The following DMRT1 variants were observed in gnomAD, a reference collection of about 807,000 sequenced individuals.
The protein encoded by DMRT1 is doublesex and mab-3 related transcription factor 1.
A neutral mutation model predicts 32.3 loss-of-function variants in DMRT1; 7 were observed. The ratio of observed to expected loss-of-function variants is 0.22; its 90% CI spans 0.12 to 0.41. The LOEUF is 0.41. Ranked by LOEUF, DMRT1 falls within the 10% of genes least tolerant of loss-of-function variation. The pLI, the probability that DMRT1 is intolerant of heterozygous loss-of-function variation, is 1.00. For missense variants in DMRT1, 625 were observed against 500.5 expected (o/e 1.25, Z -2.37); for synonymous variants, 278 against 206.1 (o/e 1.35, Z -2.99).
intron 4 of DMRT1, among the ~76,000 whole-genome samples, chr9:938,660 A>G (rs910012315): frequency 4.6e-5 from 7 of 152,038 alleles, no homozygotes; most frequent in Admixed American, 3.9e-4. Flanking sequence ...ATTCTCTAGT[A>G]TTTTCTATAA....
At chr9:871,419 G>A (rs1245562118) in intron 2 of DMRT1, among the ~76,000 whole-genome samples, 4 of 149,170 alleles carry the variant, frequency 2.7e-5, no homozygotes, top group South Asian at 2.1e-4. Flanking sequence ...TGCAAGCTCC[G>A]CGTCCCGGGT....
At chr9:870,260 G>T (rs368851494) in intron 2 of DMRT1, among the ~76,000 whole-genome samples, 2 of 152,130 alleles carry the variant, frequency 1.3e-5, no homozygotes, top group Non-Finnish European at 2.9e-5. Flanking sequence ...TTAGCTGGGC[G>T]TGGTGACGTG....
In DMRT1 at chr9:968,990, T is replaced by TAAC. The variant is rs1347161370; in HGVS notation, c.*852_*853insACA. The TAAC allele has an allele frequency of 1.3e-5, 2 of 152,670 alleles. No homozygotes were observed. Among genetic ancestry groups the TAAC allele is most frequent in the African/African-American group, 4.8e-5 (2 of 41,468 alleles). 9.5% of individuals were successfully genotyped at this position (152,670 alleles called of 1,614,324 possible). A position where few individuals can be genotyped will look rare whatever the true frequency, so the allele number is the denominator to read the frequency against. The stretch of plus-strand genomic sequence containing the variant: ...TAAAAATTGCTATGGAGTACTTTGT[T>TAAC]ATATAACAGAAGCCATCCTGAAATG... On this transcript the variant is annotated 3_prime_UTR_variant, in exon 5 of 5. Coordinates refer to ENST00000382276, the MANE Select transcript of DMRT1 (RefSeq NM_021951.3).
At chr9:950,214 A>G (rs960271571) in intron 4 of DMRT1, among the ~76,000 whole-genome samples, 42 of 152,078 alleles carry the variant, frequency 2.8e-4, no homozygotes, top group Non-Finnish European at 3.8e-4. Flanking sequence ...AACTCAGTTG[A>G]TGCCTTAGAC....
At chr9:862,324 A>G (rs1217026443) in intron 2 of DMRT1, among the ~76,000 whole-genome samples, 1 of 152,006 alleles carries the variant, frequency 6.6e-6, no homozygotes, top group African/African-American at 2.4e-5. Context: ...ACACGGCGAA[A>G]CCCCGTCTCC....
At chr9:851,331 C>T (rs111762456) in intron 2 of DMRT1, among the ~76,000 whole-genome samples, 5 of 152,156 alleles carry the variant, frequency 3.3e-5, no homozygotes, top group South Asian at 4.1e-4. Flanking sequence ...CTCCACCTCC[C>T]GGGCTCAGAC....
chr9:924,669 T>C (rs945111737), intron 4 of DMRT1, among the ~76,000 whole-genome samples: 1 of 152,198 alleles, frequency 6.6e-6, no homozygotes, highest in Non-Finnish European at 1.5e-5. Flanking sequence ...GTGAGGAAGA[T>C]GGAGCATACT....
rs773070732 is a variant in DMRT1, at chr9:916,829, C to G, written c.889C>G (p.Pro297Ala). Reference sequence around the variant, plus strand: ...CAGGATGCATTCTTACTACCCGCCTCCCTCTTACCTGGGCCAGAGCGTGCC... The same window carrying G: ...CAGGATGCATTCTTACTACCCGCCTGCCTCTTACCTGGGCCAGAGCGTGCC... ...QYRMHSYYPPPSYLGQSVPQF... is the reference protein window; with the variant it reads ...QYRMHSYYPPASYLGQSVPQF... Residue 297 changes from proline to alanine, a missense_variant, in exon 4 of 5, where the codon CCC (proline) becomes GCC (alanine). Around this residue, in one of 3 missense-constraint regions of DMRT1, gnomAD observed 416 missense variants for 321.6 expected, o/e 1.29. Coordinates refer to ENST00000382276, the MANE Select transcript of DMRT1 (RefSeq NM_021951.3). 8.7e-6 allele frequency: 14 copies of G among 1,614,218 alleles called. No homozygotes were observed. The Admixed American group carries it at 1.0e-4, about 12-fold the overall frequency.
rs540120843 is a variant in DMRT1, at chr9:916,906, C to T, written c.966C>T (p.Ser322=). ...CCTCTTACCCGGAAGCCAGGGCGAG[C>T]GGTAGGTGTCTGGTCACACAGACTG... ...DAPSYPEARA[S]VFSPPSSQDS... Residue 322 remains serine, a splice_region_variant and synonymous_variant, in exon 4 of 5, where the codon AGC becomes AGT. Coordinates refer to ENST00000382276, the MANE Select transcript of DMRT1 (RefSeq NM_021951.3). 2.9e-5 allele frequency: 47 copies of T among 1,614,078 alleles called. No homozygotes were observed. The highest frequency in any genetic ancestry group is 6.7e-5 in the Admixed American group (4 of 60,016).
At chr9:842,230 GTTTTTT>G (rs780064237) in intron 1 of DMRT1, 38 bp downstream of exon 1, 39 of 1,266,996 alleles carry the variant, frequency 3.1e-5, no homozygotes, top group East Asian at 1.1e-4. Context: ...TTCAGCCTTA[GTTTTTT>G]TTTTTTTTTT....
chr9:856,476 T>C (rs996411603), intron 2 of DMRT1, among the ~76,000 whole-genome samples: 3 of 152,196 alleles, frequency 2.0e-5, no homozygotes, highest in Admixed American at 1.3e-4. Flanking sequence ...TTTATATAAC[T>C]GGAATGATAA....
At chr9:871,513 TTTTTTTTTTG>T (rs1461667568) in intron 2 of DMRT1, among the ~76,000 whole-genome samples, 2 of 149,010 alleles carry the variant, frequency 1.3e-5, no homozygotes, top group African/African-American at 5.0e-5. Context: ...TTTTTTTTTT[TTTTTTTTTTG>T]GTAGAGACGG....
chr9:866,612 G>T (rs1816001621), intron 2 of DMRT1, among the ~76,000 whole-genome samples: 1 of 152,220 alleles, frequency 6.6e-6, no homozygotes, highest in Admixed American at 6.5e-5. Context: ...AGAGTCTCAA[G>T]GACGTTATTG....
Position 861,174 on chromosome 9 carries a change from G to T in DMRT1, c.538+14031G>T, listed in dbSNP as rs1589460407. On this transcript the variant is annotated intron_variant, in intron 2 of 4. Transcript: ENST00000382276. The stretch of plus-strand genomic sequence containing the variant: ...GTCAGCAGATAAACATGTGAACAAA[G>T]GTCTCTGGTTTTCCTAGGCAGAGGG... Among the ~76,000 whole-genome samples the T allele has an allele frequency of 2.0e-5, 3 of 151,352 alleles. No homozygotes were observed. The East Asian group carries it at 5.8e-4, about 29-fold the overall frequency.
intron 2 of DMRT1, among the ~76,000 whole-genome samples, chr9:865,688 A>C (rs1179052940): frequency 6.6e-6 from 1 of 151,988 alleles, no homozygotes; most frequent in Non-Finnish European, 1.5e-5. Context: ...AACCCATCAC[A>C]TTTCCCTACA....
chr9:903,212 C>G (rs920242684), intron 3 of DMRT1, among the ~76,000 whole-genome samples: 5 of 152,266 alleles, frequency 3.3e-5, no homozygotes, highest in East Asian at 3.9e-4. Flanking sequence ...CTGCAGGGAG[C>G]AAAGCTTTCT....
chr9:896,868 A>T (rs979668790), intron 3 of DMRT1, among the ~76,000 whole-genome samples: 1 of 151,980 alleles, frequency 6.6e-6, no homozygotes. Flanking sequence ...GTGAATTGAA[A>T]TTTTCCTCTG....
At chr9:890,540 C>T (rs553510791) in intron 2 of DMRT1, among the ~76,000 whole-genome samples, 4 of 152,082 alleles carry the variant, frequency 2.6e-5, no homozygotes, top group African/African-American at 9.6e-5. Context: ...TCAGCCAGAC[C>T]TTCCAGAGCT....
intron 2 of DMRT1, among the ~76,000 whole-genome samples, chr9:891,021 G>A (rs189998196): frequency 2.6e-5 from 4 of 151,422 alleles, no homozygotes; most frequent in Non-Finnish European, 4.4e-5. Context: ...GTGAGCCACC[G>A]CGCTCAGCCT....
Sources: gnomAD v4.1 joint callset for allele counts (sites outside exome capture counted in the v4.1 genomes callset) on GRCh38, gnomAD v4.1.1 for gene constraint, gnomAD v4.1.1 regional missense constraint, MANE v1.5 for transcripts, NCBI Gene and HGNC (gene_info 2026-07-23, HGNC 2026-07-21) for gene names.